KIF25: variants seen among roughly 807,000 people sequenced by gnomAD.
The protein encoded by KIF25 is kinesin-like protein KIF25.
KIF25 carries 19 observed loss-of-function variants against 32.9 expected under a neutral mutation model. That is an observed-to-expected ratio of 0.58 (90% CI 0.40 to 0.85). KIF25 has a LOEUF of 0.85. Among genes scored for constraint, KIF25 ranks in the 40% least tolerant of loss-of-function variants. The pLI is 0.00. For missense variants in KIF25, 485 were observed against 507.0 expected (o/e 0.96, Z 0.42); for synonymous variants, 225 against 213.7 (o/e 1.05, Z -0.46).
intron 8 of KIF25, among the ~76,000 whole-genome samples, chr6:168,036,868 C>T (rs1799032495): frequency 6.6e-6 from 1 of 152,210 alleles, no homozygotes; most frequent in South Asian, 2.1e-4. Flanking sequence ...TTGAGACCAG[C>T]CTGGCCAACA....
At chr6:168,028,251 C>T (rs1051592370) in intron 5 of KIF25, among the ~76,000 whole-genome samples, 4 of 151,974 alleles carry the variant, frequency 2.6e-5, no homozygotes, top group African/African-American at 7.3e-5. Flanking sequence ...GAGTTTTGCC[C>T]GTTGCCCAGG....
At chr6:168,001,099 A>G (rs988286750) in intron 2 of KIF25, among the ~76,000 whole-genome samples, 1 of 152,224 alleles carries the variant, frequency 6.6e-6, no homozygotes, top group African/African-American at 2.4e-5. Flanking sequence ...TCACTTGTCA[A>G]AGGACTGGAA....
At chr6:167,999,499 A>G (rs999932528) in intron 2 of KIF25, among the ~76,000 whole-genome samples, 179 bp downstream of exon 2, 17 of 152,342 alleles carry the variant, frequency 1.1e-4, no homozygotes, top group African/African-American at 3.8e-4. Flanking sequence ...GACACTCTGC[A>G]GCCCTCTGTA....
intron 5 of KIF25, among the ~76,000 whole-genome samples, chr6:168,023,205 C>T (rs1168941280): frequency 6.6e-6 from 1 of 151,748 alleles, no homozygotes; most frequent in African/African-American, 2.4e-5. Flanking sequence ...GCAGTACCAA[C>T]TCAAGCCTTC....
chr6:168,001,360 T>C (rs1251205778), intron 2 of KIF25, among the ~76,000 whole-genome samples: 1 of 152,250 alleles, frequency 6.6e-6, no homozygotes, highest in African/African-American at 2.4e-5. Flanking sequence ...GCTCAGCCTG[T>C]AGTTAATGGC....
chr6:168,025,120 GAAGAGGCC>G, intron 5 of KIF25, among the ~76,000 whole-genome samples: 1 of 152,224 alleles, frequency 6.6e-6, no homozygotes, highest in Non-Finnish European at 1.5e-5. Context: ...CACCTCTGGG[GAAGAGGCC>G]TTGAGCCTGG....
At chr6:168,008,378 T>C (rs1798605209) in intron 4 of KIF25, among the ~76,000 whole-genome samples, 1 of 152,238 alleles carries the variant, frequency 6.6e-6, no homozygotes, top group South Asian at 2.1e-4. Flanking sequence ...AAAAATCAGT[T>C]GACTATAGAT....
chr6:168,038,737 C>T lies in KIF25; in HGVS notation c.494+8C>T, dbSNP rs1433478821. On this transcript the variant is annotated splice_region_variant and intron_variant, in intron 9 of 12. Coordinates refer to ENST00000643607, the MANE Select transcript of KIF25 (RefSeq NM_030615.4). ...TGCGCTGCTGGCCTCTGAGTGAGTA[C>T]TGCACCTGCCCCGTGCTGCTGGCCT... The T allele has an allele frequency of 1.2e-6, 2 of 1,611,880 alleles. No homozygotes were observed. Among genetic ancestry groups the T allele is most frequent in the Non-Finnish European group, 1.7e-6 (2 of 1,179,170 alleles).
intron 8 of KIF25, among the ~76,000 whole-genome samples, chr6:168,036,612 A>C (rs1353346292): frequency 2.0e-5 from 3 of 151,894 alleles, no homozygotes; most frequent in Non-Finnish European, 4.4e-5. Context: ...TCTCAAATTA[A>C]CTCCTCGGTA....
At chr6:168,044,750 G>A (rs1315333462) in intron 12 of KIF25, 77 bp from the exon 13 acceptor site, 1 of 1,427,950 alleles carries the variant, frequency 7.0e-7, no homozygotes, top group Non-Finnish European at 9.4e-7. Flanking sequence ...CCCATCTCGG[G>A]CCCTGGTTGC....
chr6:168,033,987 G>A lies in KIF25; in HGVS notation c.273G>A (p.Gln91=). 6.2e-7 allele frequency: 1 copy of A among 1,614,190 alleles called. No individual in the cohort carries two copies. Among genetic ancestry groups the A allele is most frequent in the Non-Finnish European group, 8.5e-7 (1 of 1,180,036 alleles). The change falls in exon 8 of 13, where the codon CAG becomes CAA. Residue 91 remains glutamine (Q), a synonymous_variant. Coordinates refer to ENST00000643607, the MANE Select transcript of KIF25 (RefSeq NM_030615.4). ...GCCCTGTTCTGCCGCTTGACCCACAGAGTGACTTAGGAATTATCCCTAGAG... is the reference window on the plus strand; with the variant it reads ...GCCCTGTTCTGCCGCTTGACCCACAAAGTGACTTAGGAATTATCCCTAGAG... ...DDGPVLPLDP[Q]SDLGIIPRVA...
At chr6:168,008,089 G>C (rs1010096380) in intron 4 of KIF25, among the ~76,000 whole-genome samples, 2 of 152,128 alleles carry the variant, frequency 1.3e-5, no homozygotes, top group Admixed American at 6.5e-5. Context: ...AAGGAATACT[G>C]TATGGATTTG....
rs1175152554 is a variant in KIF25 at position 167,998,380 on chromosome 6, G to T, written c.-1089G>T. 1 of 152,178 alleles carries T rather than the reference G, an allele frequency of 6.6e-6. No homozygotes were observed. The highest frequency in any genetic ancestry group is 1.5e-5 in the Non-Finnish European group (1 of 68,042). 9.4% of individuals were successfully genotyped at this position (152,178 alleles called of 1,614,324 possible). On this transcript the variant is annotated 5_prime_UTR_variant, in exon 1 of 13. Coordinates refer to ENST00000643607, the MANE Select transcript of KIF25 (RefSeq NM_030615.4). ...GTGGGTTCATAGAGACCAGACGGAG[G>T]CTGTAAATCATTGGCCTATGACACC...
At position 168,042,715 on chromosome 6, in the gene KIF25, C is replaced by T. The variant is rs372148414; in HGVS notation, c.984C>T (p.Leu328=). ...SRLTHLLQDC[L]GGDAKLLVIL... ...TCACCCACCTCCTTCAGGACTGCCT[C>T]GGTAACCGTTTTCCCCAAAATGCCC... is the stretch of plus-strand genomic sequence containing the variant. The change falls in exon 12 of 13, where the codon CTC becomes CTT. Residue 328 remains leucine, a splice_region_variant and synonymous_variant. Transcript: ENST00000643607. The T allele has an allele frequency of 1.2e-5, 19 of 1,608,188 alleles. No homozygotes were observed. The highest frequency in any genetic ancestry group is 5.3e-5 in the African/African-American group (4 of 74,848).
intron 5 of KIF25, among the ~76,000 whole-genome samples, chr6:168,025,403 G>A (rs966154655): frequency 2.0e-5 from 3 of 152,086 alleles, no homozygotes; most frequent in Non-Finnish European, 2.9e-5. Flanking sequence ...ACTGGAACAC[G>A]AGCCCCGCGG....
chr6:168,003,165 T>G (rs184977327), intron 3 of KIF25, among the ~76,000 whole-genome samples: 71 of 152,206 alleles, frequency 4.7e-4, no homozygotes, highest in Non-Finnish European at 8.2e-4. Flanking sequence ...AAGGAGATAT[T>G]TAAGCGTTCT....
At position 168,040,331 on chromosome 6, in the gene KIF25, T is replaced by G. The variant is rs1013552589; in HGVS notation, c.646+115T>G. Reference sequence around the variant, plus strand: ...CTGTAATCCCAGCACTTTGGGAGACTGAGGCGGGTGGATCACCTGAGGTCA... The same window carrying G: ...CTGTAATCCCAGCACTTTGGGAGACGGAGGCGGGTGGATCACCTGAGGTCA... On this transcript the variant is annotated intron_variant, in intron 10 of 12. Coordinates refer to ENST00000643607, the MANE Select transcript of KIF25 (RefSeq NM_030615.4). 3.8e-6 allele frequency: 4 copies of G among 1,044,696 alleles called. No homozygotes were observed. The African/African-American group carries it at 6.5e-5, about 17-fold the overall frequency. The allele number at this position is 1,044,696 out of a possible 1,614,324, so 64.7% of individuals were successfully genotyped here. A position where few individuals can be genotyped will look rare whatever the true frequency, so the allele number is the denominator to read the frequency against.
intron 8 of KIF25, among the ~76,000 whole-genome samples, chr6:168,034,385 A>G (rs117084763): frequency 0.072 from 11,008 of 152,088 alleles, 445 homozygotes; most frequent in Middle Eastern, 0.092. Flanking sequence ...CAGCCTCCCG[A>G]GTATCTGGTA....
intron 10 of KIF25, among the ~76,000 whole-genome samples, chr6:168,041,551 A>G (rs1799119320): frequency 6.6e-6 from 1 of 152,254 alleles, no homozygotes; most frequent in South Asian, 2.1e-4. Flanking sequence ...AAGTTTGTTT[A>G]GGAATAACAC....
Sources: gnomAD v4.1 joint callset for allele counts (sites outside exome capture counted in the v4.1 genomes callset) on GRCh38, gnomAD v4.1.1 for gene constraint, MANE v1.5 for transcripts, NCBI Gene and HGNC (gene_info 2026-07-23, HGNC 2026-07-21) for gene names.